Variants in CLSTN2 observed in about 807,000 individuals in gnomAD.
CLSTN2 encodes calsyntenin-2.
Under a neutral mutation model 101.2 loss-of-function variants are expected in CLSTN2, and 48 were observed. That is an observed-to-expected ratio of 0.47 (90% CI 0.38 to 0.60). The LOEUF is 0.60. Ranked by LOEUF, CLSTN2 falls within the 20% of genes least tolerant of loss-of-function variation. The pLI, the probability that CLSTN2 is intolerant of heterozygous loss-of-function variation, is 0.00. For synonymous variants in CLSTN2, 481 were observed against 463.6 expected (o/e 1.04, Z -0.48); for missense variants, 1,160 against 1,238.2 (o/e 0.94, Z 0.95).
At chr3:140,208,425 T>C (rs781558907) in intron 2 of CLSTN2, among the ~76,000 whole-genome samples, 4 of 152,230 alleles carry the variant, frequency 2.6e-5, no homozygotes, top group Admixed American at 6.5e-5. Flanking sequence ...GATCTTTTAA[T>C]CTTACAGTTA....
chr3:140,167,310 G>A (rs9855981), intron 1 of CLSTN2, among the ~76,000 whole-genome samples: 4 of 152,182 alleles, frequency 2.6e-5, no homozygotes, highest in South Asian at 2.1e-4. Context: ...GCCCATCCAC[G>A]TTCTTCTGCC....
chr3:139,966,555 AC>A (rs1346698195), intron 1 of CLSTN2, among the ~76,000 whole-genome samples: 4 of 152,000 alleles, frequency 2.6e-5, no homozygotes, highest in African/African-American at 9.7e-5. Flanking sequence ...CTCAGGCCTC[AC>A]CCCTTTTAGA....
intron 1 of CLSTN2, among the ~76,000 whole-genome samples, chr3:140,135,507 G>A (rs138282310): frequency 1.6e-3 from 249 of 152,224 alleles, no homozygotes; most frequent in Non-Finnish European, 2.0e-3. Flanking sequence ...AAACTAGTTT[G>A]GATAGAAGAA....
intron 1 of CLSTN2, among the ~76,000 whole-genome samples, chr3:140,014,444 C>G (rs1227354095): frequency 6.6e-6 from 1 of 151,986 alleles, no homozygotes; most frequent in Non-Finnish European, 1.5e-5. Context: ...GTCTCAAACT[C>G]CTAGTCTTAA....
intron 15 of CLSTN2, 104 bp from the exon 16 acceptor site, chr3:140,563,857 T>C (rs917754187): frequency 4.3e-6 from 5 of 1,154,242 alleles, no homozygotes; most frequent in Non-Finnish European, 6.4e-6. Context: ...TGGGAAGTGG[T>C]AGGGCAGACT....
chr3:140,246,736 G>T (rs188316790), intron 2 of CLSTN2, among the ~76,000 whole-genome samples: 21 of 152,238 alleles, frequency 1.4e-4, no homozygotes, highest in Admixed American at 1.2e-3. Context: ...GGCATATGTG[G>T]GCAGGTAGGA....
intron 5 of CLSTN2, among the ~76,000 whole-genome samples, chr3:140,448,282 A>G (rs951373481): frequency 5.9e-5 from 9 of 151,372 alleles, no homozygotes; most frequent in African/African-American, 2.2e-4. Flanking sequence ...TGTTTTGTGT[A>G]TTCCTATGTG....
chr3:140,548,934 A>T lies in CLSTN2; in HGVS notation c.1674+2253A>T, dbSNP rs542571950. 8.5e-3 allele frequency among the ~76,000 whole-genome samples: 1,280 copies of T among 150,690 alleles called. 14 individuals are homozygous for T. Among genetic ancestry groups the T allele is most frequent in the African/African-American group, 0.029 (1,199 of 40,864 alleles). On this transcript the variant is annotated intron_variant, in intron 10 of 16. Coordinates refer to ENST00000458420, the MANE Select transcript of CLSTN2 (RefSeq NM_022131.3). ...AGTACAAAAGTCATGGCAAGGCAAG[A>T]TTGACTTTCCAAAACAATGTTTCAT...
intron 2 of CLSTN2, among the ~76,000 whole-genome samples, chr3:140,227,026 C>T (rs1384865739): frequency 6.6e-6 from 1 of 152,150 alleles, no homozygotes; most frequent in Non-Finnish European, 1.5e-5. Context: ...TATTCTACTC[C>T]TGGTCCCTCC....
intron 8 of CLSTN2, among the ~76,000 whole-genome samples, chr3:140,482,740 A>G (rs375375010): frequency 1.3e-5 from 2 of 152,240 alleles, no homozygotes; most frequent in Non-Finnish European, 2.9e-5. Context: ...AGAGGTGTTT[A>G]TAGTATTCTC....
intron 10 of CLSTN2, among the ~76,000 whole-genome samples, chr3:140,554,803 A>AC (rs1935765095): frequency 6.6e-6 from 1 of 152,210 alleles, no homozygotes; most frequent in South Asian, 2.1e-4. Context: ...ACCTACTAAA[A>AC]AAGAATAAGG....
intron 1 of CLSTN2, among the ~76,000 whole-genome samples, chr3:140,114,580 T>C (rs1468989339): frequency 6.6e-6 from 1 of 152,140 alleles, no homozygotes; most frequent in Non-Finnish European, 1.5e-5. Flanking sequence ...TATTGTAAGA[T>C]CCAGCTGATT....
rs976397022 is a variant in CLSTN2 at position 140,189,634 on chromosome 3, C to T, written c.232+13561C>T. ...ACGGTTGAGTTTTGAGAATTATTTA[C>T]ATATTCTAAGTACTAATTCTTTGTC... On this transcript the variant is annotated intron_variant, in intron 2 of 16. Coordinates refer to ENST00000458420, the MANE Select transcript of CLSTN2 (RefSeq NM_022131.3). 2.6e-5 allele frequency among the ~76,000 whole-genome samples: 4 copies of T among 152,092 alleles called. No individual in the cohort carries two copies. In the South Asian group the frequency reaches 8.3e-4, roughly 32 times the overall value.
At chr3:140,240,220 A>ATATATATG (rs1455492947) in intron 2 of CLSTN2, among the ~76,000 whole-genome samples, 8 of 27,534 alleles carry the variant, frequency 2.9e-4, no homozygotes, top group African/African-American at 7.8e-4. Context: ...ACACACACAC[A>ATATATATG]CATATATATA....
At position 139,948,422 on chromosome 3, in the gene CLSTN2, G is replaced by A. The variant is rs188395643; in HGVS notation, c.109+12939G>A. 1.8e-3 allele frequency among the ~76,000 whole-genome samples: 277 copies of A among 151,616 alleles called. 2 individuals carry two copies. In the South Asian group the frequency reaches 0.027, roughly 15 times the overall value. ...AGAGGTTGCAGTGAGCCAAGATAGC[G>A]CCATTGCACTCCGGCTTGGGTGACA... On this transcript the variant is annotated intron_variant, in intron 1 of 16. Coordinates refer to ENST00000458420, the MANE Select transcript of CLSTN2 (RefSeq NM_022131.3).
At chr3:140,145,574 A>G (rs947277719) in intron 1 of CLSTN2, among the ~76,000 whole-genome samples, 5 of 152,256 alleles carry the variant, frequency 3.3e-5, no homozygotes, top group African/African-American at 9.6e-5. Context: ...CTCGGCAGAC[A>G]CTGGTGTGTG....
chr3:140,121,869 G>A (rs1050785289), intron 1 of CLSTN2, among the ~76,000 whole-genome samples: 13 of 152,254 alleles, frequency 8.5e-5, no homozygotes, highest in Middle Eastern at 3.4e-3. Flanking sequence ...GGACTACGCT[G>A]CCAACACAGG....
chr3:140,395,947 A>G (rs1292644687), intron 2 of CLSTN2, among the ~76,000 whole-genome samples: 1 of 152,162 alleles, frequency 6.6e-6, no homozygotes, highest in Non-Finnish European at 1.5e-5. Flanking sequence ...GAGGCTTTAT[A>G]AGAGCCAGCT....
At chr3:140,321,169 T>A (rs966174175) in intron 2 of CLSTN2, among the ~76,000 whole-genome samples, 1 of 152,224 alleles carries the variant, frequency 6.6e-6, no homozygotes, top group African/African-American at 2.4e-5. Context: ...GATTCTATTC[T>A]GGGCAGAGTG....
Sources: gnomAD v4.1 joint callset for allele counts (sites outside exome capture counted in the v4.1 genomes callset) on GRCh38, gnomAD v4.1.1 for gene constraint, MANE v1.5 for transcripts, NCBI Gene and HGNC (gene_info 2026-07-23, HGNC 2026-07-21) for gene names.